The following RAPGEF5 variants were observed in gnomAD, a reference collection of about 807,000 sequenced individuals.
RAPGEF5 encodes the protein M-Ras-regulated GEF.
In RAPGEF5, 65 loss-of-function variants were observed where a neutral mutation model predicts 125.2. The observed-to-expected ratio is 0.52, with a 90% confidence interval of 0.43 to 0.64. The LOEUF is 0.64. Ranked by LOEUF, RAPGEF5 falls within the 30% of genes least tolerant of loss-of-function variation. The pLI, the probability that RAPGEF5 is intolerant of heterozygous loss-of-function variation, is 0.00. For synonymous variants in RAPGEF5, 391 were observed against 385.9 expected (o/e 1.01, Z -0.16); for missense variants, 958 against 1,048.1 (o/e 0.91, Z 1.19).
intron 9 of RAPGEF5, chr7:22,194,651 A>C (rs1785104157): frequency 1.0e-6 from 1 of 985,208 alleles, no homozygotes; most frequent in Non-Finnish European, 1.2e-6. Context: ...GAATATAAGC[A>C]AAAATGGATC....
chr7:22,313,138 A>G (rs1171465906), intron 3 of RAPGEF5, among the ~76,000 whole-genome samples: 10 of 152,212 alleles, frequency 6.6e-5, no homozygotes, highest in African/African-American at 2.4e-4. Context: ...GCTTAACAAA[A>G]CATGAATTTA....
chr7:22,324,043 C>T (rs930377070), intron 1 of RAPGEF5, among the ~76,000 whole-genome samples: 1 of 152,014 alleles, frequency 6.6e-6, no homozygotes. Flanking sequence ...TATCTCCCGC[C>T]GAAATACTTA....
At position 22,136,141 on chromosome 7, in the gene RAPGEF5, G is replaced by A. The variant is rs371013128; in HGVS notation, c.2329-16C>T. On this transcript the variant is annotated splice_polypyrimidine_tract_variant and intron_variant, in intron 22 of 25. Transcript: ENST00000665637. ...GGGAAGGATCCTGCCGAACCAAGCA[G>A]ATTACAAAGAGAAAGAAAAATCAAT... is the stretch of plus-strand genomic sequence containing the variant. 4.6e-4 allele frequency: 721 copies of A among 1,563,450 alleles called. No individual in the cohort carries two copies. Among genetic ancestry groups the A allele is most frequent in the Non-Finnish European group, 5.9e-4 (678 of 1,146,878 alleles).
intron 24 of RAPGEF5, among the ~76,000 whole-genome samples, chr7:22,126,383 G>C (rs1782746426): frequency 6.6e-6 from 1 of 152,164 alleles, no homozygotes. Flanking sequence ...TCTTCGTACA[G>C]CACCTATTGG....
At position 22,142,560 on chromosome 7, in the gene RAPGEF5, T is replaced by A. The variant is rs143346953; in HGVS notation, c.2187-2445A>T. ...CACATATAACTAACATCTAAATCTG[T>A]TAAGAAAAAAAAGGAATTAATACAG... On this transcript the variant is annotated intron_variant, in intron 20 of 25. Coordinates refer to ENST00000665637, the MANE Select transcript of RAPGEF5 (RefSeq NM_012294.5). Among the ~76,000 whole-genome samples the A allele has an allele frequency of 2.6e-5, 4 of 152,174 alleles. No individual in the cohort carries two copies. In the East Asian group the frequency reaches 7.7e-4, roughly 29 times the overall value.
intron 1 of RAPGEF5, among the ~76,000 whole-genome samples, chr7:22,351,159 G>C (rs990034391): frequency 2.0e-5 from 3 of 152,072 alleles, no homozygotes; most frequent in Admixed American, 2.0e-4. Context: ...TTGTTTGTTT[G>C]TTTTTTGTAG....
At chr7:22,293,409 G>C (rs1782978794) in intron 5 of RAPGEF5, among the ~76,000 whole-genome samples, 1 of 152,086 alleles carries the variant, frequency 6.6e-6, no homozygotes, top group African/African-American at 2.4e-5. Flanking sequence ...CCGGCCTTTG[G>C]GAAGTCACCA....
intron 20 of RAPGEF5, 102 bp downstream of exon 20, chr7:22,144,942 G>A (rs922918568): frequency 1.5e-5 from 20 of 1,333,202 alleles, no homozygotes; most frequent in Middle Eastern, 2.7e-4. Context: ...CATATTACAC[G>A]TTTATATCCC....
At chr7:22,333,384 C>T (rs920146020) in intron 1 of RAPGEF5, among the ~76,000 whole-genome samples, 4 of 152,016 alleles carry the variant, frequency 2.6e-5, no homozygotes, top group African/African-American at 9.7e-5. Context: ...TTAAGTAAAG[C>T]TTCCCTACAA....
At chr7:22,279,366 T>A (rs1782624600) in intron 6 of RAPGEF5, among the ~76,000 whole-genome samples, 1 of 152,232 alleles carries the variant, frequency 6.6e-6, no homozygotes. Flanking sequence ...AAATGGTGCT[T>A]TAATTTTTCA....
intron 6 of RAPGEF5, among the ~76,000 whole-genome samples, chr7:22,281,291 T>TA (rs1385182216): frequency 2.6e-5 from 4 of 152,154 alleles, no homozygotes; most frequent in Non-Finnish European, 5.9e-5. Context: ...AGCTCACTGC[T>TA]ACCTCTGCTT....
chr7:22,267,112 G>T, intron 6 of RAPGEF5, 100 bp from the exon 7 acceptor site: 5 of 1,161,822 alleles, frequency 4.3e-6, no homozygotes, highest in Non-Finnish European at 4.8e-6. Flanking sequence ...ATTCAGAGCT[G>T]TTTCAATTAA....
intron 5 of RAPGEF5, among the ~76,000 whole-genome samples, chr7:22,293,580 C>A (rs1483302428): frequency 2.0e-5 from 3 of 152,190 alleles, no homozygotes; most frequent in African/African-American, 7.2e-5. Context: ...TTTCTAAAAC[C>A]CAGATCTGGT....
At chr7:22,132,011 G>A (rs1240422640) in intron 23 of RAPGEF5, among the ~76,000 whole-genome samples, 1 of 152,026 alleles carries the variant, frequency 6.6e-6, no homozygotes, top group Non-Finnish European at 1.5e-5. Flanking sequence ...TAAAGCATGT[G>A]CAAATAATCA....
intron 7 of RAPGEF5, among the ~76,000 whole-genome samples, chr7:22,239,793 C>T (rs1211183353): frequency 6.6e-6 from 1 of 152,102 alleles, no homozygotes; most frequent in Non-Finnish European, 1.5e-5. Context: ...TATCTCATAT[C>T]GGTTCCTTTA....
intron 1 of RAPGEF5, among the ~76,000 whole-genome samples, chr7:22,354,961 C>A (rs1412652055): frequency 6.6e-6 from 1 of 152,172 alleles, no homozygotes; most frequent in African/African-American, 2.4e-5. Flanking sequence ...TTCTTTCAAC[C>A]CCCTTCCTAC....
intron 24 of RAPGEF5, among the ~76,000 whole-genome samples, chr7:22,126,490 A>G (rs138591659): frequency 2.6e-5 from 4 of 152,356 alleles, no homozygotes; most frequent in African/African-American, 9.6e-5. Flanking sequence ...TGTCAGACAC[A>G]TTGACTTACA....
intron 9 of RAPGEF5, among the ~76,000 whole-genome samples, chr7:22,212,921 A>G (rs1785544251): frequency 6.6e-6 from 1 of 152,226 alleles, no homozygotes. Flanking sequence ...TTTTTCAACC[A>G]TATTGCAGAT....
intron 11 of RAPGEF5, among the ~76,000 whole-genome samples, chr7:22,169,231 T>C (rs1468623783): frequency 1.3e-5 from 2 of 152,154 alleles, no homozygotes; most frequent in Non-Finnish European, 2.9e-5. Flanking sequence ...AGAGTCTCTG[T>C]TTATGGAAGT....
Sources: allele counts gnomAD v4.1 joint callset (sites outside exome capture counted in the v4.1 genomes callset), GRCh38; gene constraint gnomAD v4.1.1; transcripts MANE v1.5; gene names NCBI Gene and HGNC (gene_info 2026-07-23, HGNC 2026-07-21).